The following PLCB2 variants were observed in gnomAD, a reference collection of about 807,000 sequenced individuals.
PLCB2 encodes the protein phospholipase C beta 2.
PLCB2 carries 115 observed loss-of-function variants against 141.7 expected under a neutral mutation model. The ratio of observed to expected loss-of-function variants is 0.81; its 90% CI spans 0.70 to 0.95. The LOEUF is 0.95. Among genes scored for constraint, PLCB2 ranks in the 40% least tolerant of loss-of-function variants. The pLI, the probability that PLCB2 is intolerant of heterozygous loss-of-function variation, is 0.00. For synonymous variants in PLCB2, 603 were observed against 595.6 expected (o/e 1.01, Z -0.18); for missense variants, 1,403 against 1,541.1 (o/e 0.91, Z 1.50).
intron 23 of PLCB2, 55 bp downstream of exon 23, chr15:40,292,009 C>T: frequency 6.2e-7 from 1 of 1,606,676 alleles, no homozygotes; most frequent in Non-Finnish European, 8.5e-7. Context: ...CAGCCTCTCC[C>T]ATAAATAGGG....
chr15:40,302,331 G>A lies in PLCB2; in HGVS notation c.391C>T (p.Leu131=), dbSNP rs776667298. Residue 131 remains leucine, a synonymous_variant, in exon 5 of 32, where the codon CTG becomes TTG. Coordinates refer to ENST00000260402, the MANE Select transcript of PLCB2 (RefSeq NM_004573.3). ...GTCAGCGGATGTTTGACTAGGGCCA[G>A]TACGTCCTCAGCCCAGGCCTGCAGG... ...NVGKAWAEDV[L]ALVKHPLTAN... 5.8e-5 allele frequency: 93 copies of A among 1,613,960 alleles called. No individual in the cohort carries two copies. The Admixed American group carries it at 1.4e-3, about 24-fold the overall frequency.
In PLCB2 at chr15:40,299,129, A is replaced by G; in HGVS notation, c.682T>C (p.Tyr228His). 2 of 1,607,186 alleles carry G rather than the reference A, an allele frequency of 1.2e-6. No individual in the cohort carries two copies. Among genetic ancestry groups the G allele is most frequent in the Non-Finnish European group, 1.7e-6 (2 of 1,173,592 alleles). ...ACCAGCACAACCCAAGAAACTCACT[A>G]AGAAGTGAAGATCTCATCTATTTCT... ...RPEIDEIFTS[Y>H]HAKAKPYMTK... Residue 228 changes from tyrosine (Y) to histidine (H), a missense_variant and splice_region_variant, in exon 8 of 32, where the codon TAC becomes CAC. Transcript: ENST00000260402.
At position 40,299,174 on chromosome 15, in the gene PLCB2, TGAG is replaced by T; in HGVS notation, c.634_636del (p.Leu212del). 1 of 1,614,050 alleles carries T rather than the reference TGAG, an allele frequency of 6.2e-7. No homozygotes were observed. The highest frequency in any genetic ancestry group is 1.1e-5 in the South Asian group (1 of 91,078). ...ATTTCTGGCCGAGGACAGAGGCTCATGAGGAAACTCTTGTAGACAGGTTCTGGG... is the reference window on the plus strand; with the variant it reads ...ATTTCTGGCCGAGGACAGAGGCTCATGAAACTCTTGTAGACAGGTTCTGGG... On this transcript the variant is annotated inframe_deletion, in exon 8 of 32. Transcript: ENST00000260402.
At chr15:40,290,942 G>T in intron 27 of PLCB2, 76 bp downstream of exon 27, 8 of 1,461,418 alleles carry the variant, frequency 5.5e-6, no homozygotes, top group Non-Finnish European at 7.4e-6. Context: ...TTGGGTCGGT[G>T]AGAGGGGCGA....
At chr15:40,295,084 G>C (rs772324882) in intron 17 of PLCB2, 24 bp from the exon 18 acceptor site, 28 of 1,609,900 alleles carry the variant, frequency 1.7e-5, no homozygotes, top group Non-Finnish European at 2.4e-5. Context: ...TAGGACCCTA[G>C]CCAAGGCCAT....
At chr15:40,306,216 G>A (rs2040787084) in intron 1 of PLCB2, among the ~76,000 whole-genome samples, 1 of 152,176 alleles carries the variant, frequency 6.6e-6, no homozygotes, top group Non-Finnish European at 1.5e-5. Context: ...CACTAACTGT[G>A]CCAAAAGCAG....
intron 7 of PLCB2, chr15:40,301,661 T>C (rs2040516114): frequency 1.4e-6 from 1 of 702,944 alleles, no homozygotes; most frequent in Non-Finnish European, 2.6e-6. Flanking sequence ...TGGGAATGCA[T>C]GCCGTTTCTG....
chr15:40,285,155 G>A (rs2141008684), downstream of PLCB2, among the ~76,000 whole-genome samples: 1 of 152,332 alleles, frequency 6.6e-6, no homozygotes, highest in Non-Finnish European at 1.5e-5. Context: ...TGGCACCCAG[G>A]CCATGGAGCA....
intron 13 of PLCB2, 27 bp from the exon 14 acceptor site, chr15:40,296,935 C>T (rs985689167): frequency 6.2e-7 from 1 of 1,611,776 alleles, no homozygotes. Context: ...AGGTCAGCAC[C>T]ATCTTCTCAC....
At chr15:40,299,066 G>A (rs1159089862) in intron 8 of PLCB2, 62 bp downstream of exon 8, 7 of 1,564,976 alleles carry the variant, frequency 4.5e-6, no homozygotes, top group Non-Finnish European at 5.3e-6. Context: ...CATGGCAGGT[G>A]GGAGGAGGGG....
In PLCB2 at chr15:40,291,756, C is replaced by T. The variant is rs528246886; in HGVS notation, c.2602+93G>A. The T allele has an allele frequency of 1.5e-4, 235 of 1,603,724 alleles. 1 individual carries two copies. The highest frequency in any genetic ancestry group is 5.6e-5 in the South Asian group (5 of 89,764). On this transcript the variant is annotated intron_variant, in intron 24 of 31. Transcript: ENST00000260402. ...GAGTCGCAGTATGTGCCCCCTGCCC[C>T]GCACTTTCCCTAGGTGAAATTTTTT...
At position 40,294,304 on chromosome 15, in the gene PLCB2, G is replaced by A. The variant is rs768874432; in HGVS notation, c.2023C>T (p.Arg675Cys). The change falls in exon 19 of 32, where the codon CGC becomes TGC. Residue 675 changes from arginine to cysteine, a missense_variant. Transcript: ENST00000260402. ...DKQFNPFSVD[R>C]IDVVVATTLS... is the part of the protein sequence containing the mutation. Reference sequence around the variant, plus strand: ...GTGGTGGCCACCACCACGTCGATGCGGTCCACTGAGAAGGGGTTGAACTGC... The same window carrying A: ...GTGGTGGCCACCACCACGTCGATGCAGTCCACTGAGAAGGGGTTGAACTGC... The A allele has an allele frequency of 3.2e-5, 52 of 1,613,988 alleles. No homozygotes were observed. The highest frequency in any genetic ancestry group is 6.7e-5 in the East Asian group (3 of 44,898).
chr15:40,307,566 GC>G (rs751550854), intron 1 of PLCB2, 22 bp downstream of exon 1: 36 of 1,481,738 alleles, frequency 2.4e-5, no homozygotes, highest in Non-Finnish European at 3.2e-5. Flanking sequence ...TGCTCCAGCA[GC>G]TGAGGCCCCT....
chr15:40,290,911 G>A, intron 27 of PLCB2, 74 bp from the exon 28 acceptor site: 2 of 1,409,498 alleles, frequency 1.4e-6, no homozygotes, highest in Middle Eastern at 2.4e-4. Context: ...GGGGGTCGGT[G>A]GAGGGGAGTC....
chr15:40,298,835 G>A lies in PLCB2; in HGVS notation c.813C>T (p.Ile271=), dbSNP rs1018396983. Residue 271 remains isoleucine, a synonymous_variant, in exon 9 of 32, where the codon ATC becomes ATT. Transcript: ENST00000260402. ...TGATGCCACTGGGCTCATACTTGTC[G>A]ATGAGGCCCTGCACCTGGTCAGGCC... ...PARPDQVQGL[I]DKYEPSGINA... is the part of the protein sequence containing the mutation. 20 of 1,613,612 alleles carry A rather than the reference G, an allele frequency of 1.2e-5. No homozygotes were observed. The highest frequency in any genetic ancestry group is 1.6e-4 in the Middle Eastern group (1 of 6,080).
rs2039652434 is a variant in PLCB2 at position 40,288,089 on chromosome 15, C to G, written c.*626G>C. 1 of 985,378 alleles carries G rather than the reference C, an allele frequency of 1.0e-6. No homozygotes were observed. Among genetic ancestry groups the G allele is most frequent in the South Asian group, 4.7e-5 (1 of 21,294 alleles). The allele number at this position is 985,378 out of a possible 1,614,324, so 61.0% of individuals were successfully genotyped here. ...GCCAGGGTCAGGGTGGAACAGCACC[C>G]AAGAGCCCACTGCCCCTTGTGACTC... On this transcript the variant is annotated 3_prime_UTR_variant, in exon 32 of 32. Transcript: ENST00000260402.
chr15:40,303,978 A>G (rs2040661853), intron 2 of PLCB2, 23 bp downstream of exon 2: 2 of 1,512,654 alleles, frequency 1.3e-6, no homozygotes, highest in South Asian at 1.2e-5. Context: ...GTCCAGGGCC[A>G]TGGCACACAA....
At chr15:40,295,601 C>A (rs2040168018) in intron 16 of PLCB2, among the ~76,000 whole-genome samples, 1 of 152,184 alleles carries the variant, frequency 6.6e-6, no homozygotes, top group Non-Finnish European at 1.5e-5. Context: ...GGGTCAGTAA[C>A]ATGCTGTGCA....
chr15:40,289,225 C>T lies in PLCB2; in HGVS notation c.3354+47G>A, dbSNP rs746470555. On this transcript the variant is annotated intron_variant, in intron 31 of 31. Coordinates refer to ENST00000260402, the MANE Select transcript of PLCB2 (RefSeq NM_004573.3). ...CCTGGGGCAAGGCCCCTTTACAACCCGGAACCCATTCAGTTCTGCTGGGGG... is the reference window on the plus strand; with the variant it reads ...CCTGGGGCAAGGCCCCTTTACAACCTGGAACCCATTCAGTTCTGCTGGGGG... 27 of 1,516,482 alleles carry T rather than the reference C, an allele frequency of 1.8e-5. No homozygotes were observed. In the South Asian group the frequency reaches 2.5e-4, roughly 14 times the overall value. The allele number at this position is 1,516,482 out of a possible 1,614,324, so 93.9% of individuals were successfully genotyped here.
Sources: allele counts gnomAD v4.1 joint callset (sites outside exome capture counted in the v4.1 genomes callset), GRCh38; gene constraint gnomAD v4.1.1; transcripts MANE v1.5; gene names NCBI Gene and HGNC (gene_info 2026-07-23, HGNC 2026-07-21).